Variants in STX7 observed in about 807,000 individuals in gnomAD.
STX7 encodes the protein syntaxin-7.
A neutral mutation model predicts 39.6 loss-of-function variants in STX7; 34 were observed. That is an observed-to-expected ratio of 0.86 (90% CI 0.65 to 1.14). STX7 has a LOEUF of 1.14. Ranked by LOEUF, STX7 falls within the 50% of genes most tolerant of loss-of-function variation. The pLI is 0.00. For synonymous variants in STX7, 119 were observed against 99.1 expected (o/e 1.20, Z -1.19); for missense variants, 284 against 310.4 (o/e 0.92, Z 0.64).
chr6:132,472,366 C>G lies in STX7; in HGVS notation c.165G>C (p.Lys55Asn). The G allele has an allele frequency of 1.2e-6, 2 of 1,610,664 alleles. No homozygotes were observed. Among genetic ancestry groups the G allele is most frequent in the East Asian group, 4.5e-5 (2 of 44,744 alleles). ...SPELRQQLQQ[K>N]QQYTNQLAKE... ...TGGCAAGCTGGTTAGTATACTGCTGCTTCTGTTGCCTAAAGTGAGAAAACA... is the reference window on the plus strand; with the variant it reads ...TGGCAAGCTGGTTAGTATACTGCTGGTTCTGTTGCCTAAAGTGAGAAAACA... Residue 55 changes from lysine to asparagine, a missense_variant, in exon 4 of 10, where the codon AAG becomes AAC. Coordinates refer to ENST00000367941, the MANE Select transcript of STX7 (RefSeq NM_003569.3).
At position 132,497,343 on chromosome 6, in the gene STX7, G is replaced by A. The variant is rs561785494; in HGVS notation, c.85+6103C>T. On this transcript the variant is annotated intron_variant, in intron 2 of 9. Transcript: ENST00000367941. ...TTCTATTTGATTATTGATTCTATTA[G>A]ATTAAAAAAAGGAAAATTAATCAAT... 2.4e-4 allele frequency among the ~76,000 whole-genome samples: 36 copies of A among 152,202 alleles called. 1 individual carries two copies. Among genetic ancestry groups the A allele is most frequent in the African/African-American group, 7.9e-4 (33 of 41,532 alleles).
At chr6:132,470,654 GAGAAGGGGCAAAAAA>G in intron 5 of STX7, 28 bp from the exon 6 acceptor site, 1 of 1,577,140 alleles carries the variant, frequency 6.3e-7, no homozygotes, top group Non-Finnish European at 8.7e-7. Context: ...AGGATGGAAT[GAGAAGGGGCAAAAAA>G]AGCAAAAATG....
upstream of STX7, chr6:132,513,302 C>A (rs1416341818): frequency 6.6e-6 from 1 of 152,216 alleles, no homozygotes; most frequent in Non-Finnish European, 1.5e-5. Flanking sequence ...TCTTAGCCTG[C>A]GTGCAAAAAA....
intron 6 of STX7, 25 bp downstream of exon 6, chr6:132,470,549 C>A (rs373056142): frequency 7.6e-6 from 12 of 1,574,082 alleles, no homozygotes; most frequent in Non-Finnish European, 1.0e-5. Flanking sequence ...ACCTTTTGAT[C>A]TGTAAAATGT....
At position 132,453,860 on chromosome 6, in the gene STX7, TAA is replaced by T. The variant is rs1640309358; in HGVS notation, c.*6896_*6897del. 1 of 152,076 alleles carries T rather than the reference TAA, an allele frequency of 6.6e-6. No homozygotes were observed. The highest frequency in any genetic ancestry group is 2.4e-5 in the African/African-American group (1 of 41,430). The allele number at this position is 152,076 out of a possible 1,614,324, so 9.4% of individuals were successfully genotyped here. A position where few individuals can be genotyped will look rare whatever the true frequency, so the allele number is the denominator to read the frequency against. ...TATAAAATAGTACAGCTACTTGGTATAAGTTTGGCAATTTCTTAAAAACTAAA... is the reference window on the plus strand; with the variant it reads ...TATAAAATAGTACAGCTACTTGGTATGTTTGGCAATTTCTTAAAAACTAAA... On this transcript the variant is annotated 3_prime_UTR_variant, in exon 10 of 10. Coordinates refer to ENST00000367941, the MANE Select transcript of STX7 (RefSeq NM_003569.3).
intron 1 of STX7, among the ~76,000 whole-genome samples, chr6:132,505,539 G>C (rs1353854025): frequency 2.0e-5 from 3 of 152,036 alleles, no homozygotes; most frequent in African/African-American, 4.8e-5. Context: ...GGATCCAAAA[G>C]CAATTTCATT....
Position 132,453,649 on chromosome 6 carries a change from T to C in STX7, c.*7109A>G, listed in dbSNP as rs991844843. 6.6e-6 allele frequency: 1 copy of C among 151,704 alleles called. No homozygotes were observed. Among genetic ancestry groups the C allele is most frequent in the African/African-American group, 2.4e-5 (1 of 41,294 alleles). 9.4% of individuals were successfully genotyped at this position (151,704 alleles called of 1,614,324 possible). On this transcript the variant is annotated 3_prime_UTR_variant, in exon 10 of 10. Transcript: ENST00000367941. ...CATGTCACTAAAGAAGAGATACAGG[T>C]GGCAAATAAGCATATGAAACAAAGA...
rs772001465 is a variant in STX7, at chr6:132,447,958, A to G, written c.*12800T>C. The stretch of plus-strand genomic sequence containing the variant: ...GTGGTCTATCAAAGTTGGGATTTCT[A>G]AAGTGTTTTTCCCTTATTTCAGAAT... On this transcript the variant is annotated 3_prime_UTR_variant, in exon 10 of 10. Coordinates refer to ENST00000367941, the MANE Select transcript of STX7 (RefSeq NM_003569.3). 6 of 152,014 alleles carry G rather than the reference A, an allele frequency of 3.9e-5. No homozygotes were observed. The highest frequency in any genetic ancestry group is 7.2e-5 in the African/African-American group (3 of 41,398). The allele number at this position is 152,014 out of a possible 1,614,324, so 9.4% of individuals were successfully genotyped here.
chr6:132,510,565 ATTAAG>A (rs1208620314), intron 1 of STX7, among the ~76,000 whole-genome samples: 1 of 152,226 alleles, frequency 6.6e-6, no homozygotes, highest in African/African-American at 2.4e-5. Context: ...ATTAATTAAA[ATTAAG>A]TTAAATGAAA....
chr6:132,455,648 T>A lies in STX7; in HGVS notation c.*5110A>T, dbSNP rs1337313446. On this transcript the variant is annotated 3_prime_UTR_variant, in exon 10 of 10. Coordinates refer to ENST00000367941, the MANE Select transcript of STX7 (RefSeq NM_003569.3). Reference sequence around the variant, plus strand: ...ACTCTAAGCAATTAAGTGACCAACCTCTTAAAAACTTGCCAGAAGCTACAG... The same window carrying A: ...ACTCTAAGCAATTAAGTGACCAACCACTTAAAAACTTGCCAGAAGCTACAG... 1.3e-5 allele frequency: 2 copies of A among 152,158 alleles called. No homozygotes were observed. Among genetic ancestry groups the A allele is most frequent in the African/African-American group, 4.8e-5 (2 of 41,426 alleles). 9.4% of individuals were successfully genotyped at this position (152,158 alleles called of 1,614,324 possible).
intron 2 of STX7, among the ~76,000 whole-genome samples, chr6:132,501,062 CT>C (rs765134328): frequency 0.036 from 5,195 of 143,424 alleles, 271 homozygotes; most frequent in African/African-American, 0.12. Flanking sequence ...CAGTCCCTGT[CT>C]TTTTTTTTTT....
In STX7 at chr6:132,456,470, G is replaced by A. The variant is rs976995716; in HGVS notation, c.*4288C>T. On this transcript the variant is annotated 3_prime_UTR_variant, in exon 10 of 10. Transcript: ENST00000367941. Reference sequence around the variant, plus strand: ...CTCTTAGAACACTATGCCCAGGCATGTAGTAGCCTGGCAAAAAGCCGGCCC... The same window carrying A: ...CTCTTAGAACACTATGCCCAGGCATATAGTAGCCTGGCAAAAAGCCGGCCC... The A allele has an allele frequency of 6.6e-6, 1 of 152,166 alleles. No homozygotes were observed. Among genetic ancestry groups the A allele is most frequent in the Non-Finnish European group, 1.5e-5 (1 of 68,038 alleles). 9.4% of individuals were successfully genotyped at this position (152,166 alleles called of 1,614,324 possible). A position where few individuals can be genotyped will look rare whatever the true frequency, so the allele number is the denominator to read the frequency against.
At chr6:132,505,985 C>A (rs376230450) in intron 1 of STX7, among the ~76,000 whole-genome samples, 1 of 151,878 alleles carries the variant, frequency 6.6e-6, no homozygotes, top group Non-Finnish European at 1.5e-5. Flanking sequence ...CAAAAACATA[C>A]ACTGAGGAAA....
At chr6:132,509,457 CA>C (rs1562343439) in intron 1 of STX7, among the ~76,000 whole-genome samples, 1,482 of 19,032 alleles carry the variant, frequency 0.078, 56 homozygotes, top group Non-Finnish European at 0.21. Flanking sequence ...CTCAAAATAA[CA>C]TAACATAACA....
intron 2 of STX7, among the ~76,000 whole-genome samples, chr6:132,487,724 T>C (rs972246276): frequency 2.0e-5 from 3 of 152,232 alleles, no homozygotes; most frequent in African/African-American, 7.2e-5. Flanking sequence ...TATGTAAATA[T>C]GTATAGATTT....
chr6:132,481,871 G>A (rs533359882), intron 2 of STX7, among the ~76,000 whole-genome samples: 45 of 152,284 alleles, frequency 3.0e-4, no homozygotes, highest in African/African-American at 1.1e-3. Flanking sequence ...TGTAATGAAG[G>A]TGGCATTTGT....
At chr6:132,477,833 G>T (rs796751453) in intron 2 of STX7, among the ~76,000 whole-genome samples, 84 of 152,194 alleles carry the variant, frequency 5.5e-4, no homozygotes, top group African/African-American at 2.0e-3. Flanking sequence ...AACTACAATG[G>T]TAATTATTTT....
At chr6:132,479,481 AC>A (rs1774962259) in intron 2 of STX7, among the ~76,000 whole-genome samples, 2 of 152,190 alleles carry the variant, frequency 1.3e-5, no homozygotes, top group South Asian at 4.1e-4. Context: ...GATAGAATAA[AC>A]AATGGTACAA....
intron 2 of STX7, among the ~76,000 whole-genome samples, chr6:132,498,839 T>A (rs1775483420): frequency 6.6e-6 from 1 of 152,222 alleles, no homozygotes; most frequent in African/African-American, 2.4e-5. Context: ...CAATACTTTA[T>A]CTAATCTAAA....
Sources: gnomAD v4.1 joint callset for allele counts (sites outside exome capture counted in the v4.1 genomes callset) on GRCh38, gnomAD v4.1.1 for gene constraint, MANE v1.5 for transcripts, NCBI Gene and HGNC (gene_info 2026-07-23, HGNC 2026-07-21) for gene names.